RHNO1: variants seen among roughly 807,000 people sequenced by gnomAD.
RHNO1 encodes the protein RAD9, HUS1, RAD1-interacting nuclear orphan protein 1.
Under a neutral mutation model 7.2 loss-of-function variants are expected in RHNO1, and 9 were observed. The observed-to-expected ratio is 1.25, with a 90% confidence interval of 0.75 to 2.18. The LOEUF (loss-of-function observed/expected upper bound fraction) is 2.18. RHNO1 is among the 30% of genes most tolerant of loss of function. The probability of loss-of-function intolerance (pLI) is 0.00; values close to 1 mark genes in which losing one functional copy is unlikely to be tolerated. For synonymous variants in RHNO1, 95 were observed against 107.5 expected (o/e 0.88, Z 0.72); for missense variants, 292 against 284.5 (o/e 1.03, Z -0.19).
chr12:2,886,904 C>T (rs2098166225), intron 2 of RHNO1: 3 of 451,262 alleles, frequency 6.6e-6, no homozygotes, highest in Non-Finnish European at 1.3e-5. Context: ...CATTATATGC[C>T]AGGTCCTCTG....
intron 1 of RHNO1, among the ~76,000 whole-genome samples, chr12:2,880,532 G>A (rs1341550355): frequency 6.6e-6 from 1 of 151,494 alleles, no homozygotes; most frequent in African/African-American, 2.4e-5. Flanking sequence ...CAGGAGAATC[G>A]CTTGGACCTA....
chr12:2,887,915 C>A lies in RHNO1; in HGVS notation c.173C>A (p.Ser58Ter). ...IDHSTITSWVSPDFDTAAGSL... is the reference protein window; with the variant it reads ...IDHSTITSWV Reference sequence around the variant, plus strand: ...CACTTTTTTTTTTTTTTTAAGGTATCACCTGATTTTGATACAGCAGCAGGA... The same window carrying A: ...CACTTTTTTTTTTTTTTTAAGGTATAACCTGATTTTGATACAGCAGCAGGA... The change falls in exon 3 of 3, where the codon TCA becomes TAA. Residue 58 changes from serine (S) to a stop codon, truncating the protein, a stop_gained. Coordinates refer to ENST00000489288, the MANE Select transcript of RHNO1 (RefSeq NM_001252499.3). LOFTEE classifies it low-confidence loss of function (END_TRUNC). 1 of 1,547,758 alleles carries A rather than the reference C, an allele frequency of 6.5e-7. No individual in the cohort carries two copies. The highest frequency in any genetic ancestry group is 2.3e-5 in the East Asian group (1 of 44,306).
chr12:2,881,427 G>A (rs1358784308), intron 1 of RHNO1, among the ~76,000 whole-genome samples: 3 of 151,920 alleles, frequency 2.0e-5, no homozygotes, highest in South Asian at 2.1e-4. Flanking sequence ...ATTCCTTTCC[G>A]ACTAGAATGT....
chr12:2,877,220 G>A (rs554712888), upstream of RHNO1: 1 of 152,256 alleles, frequency 6.6e-6, no homozygotes, highest in African/African-American at 2.4e-5. Flanking sequence ...GCCTTGTCTC[G>A]GCATTCCGGG....
intron 1 of RHNO1, among the ~76,000 whole-genome samples, chr12:2,879,307 T>C (rs376475299): frequency 1.3e-5 from 2 of 150,634 alleles, no homozygotes; most frequent in South Asian, 4.2e-4. Flanking sequence ...CGCGGCCAAG[T>C]TCAGTTTTAA....
chr12:2,876,798 A>G (rs10848719), upstream of RHNO1: 53,283 of 152,246 alleles, frequency 0.35, 10,997 homozygotes, highest in African/African-American at 0.57. Context: ...TTCCCGTGTG[A>G]CCCAAATCTC....
chr12:2,877,397 C>G (rs1329043147), intron 1 of RHNO1, 115 bp downstream of exon 1: 1 of 152,170 alleles, frequency 6.6e-6, no homozygotes, highest in Non-Finnish European at 1.5e-5. Flanking sequence ...TGGGGACGCG[C>G]GGAAGCGGCG....
intron 1 of RHNO1, among the ~76,000 whole-genome samples, chr12:2,879,245 C>T (rs1452582942): frequency 6.6e-6 from 1 of 151,926 alleles, no homozygotes; most frequent in Non-Finnish European, 1.5e-5. Context: ...TTCAAGTGAT[C>T]CTCCCACCTT....
At chr12:2,883,066 CAAAAAAA>C (rs776370244) in intron 1 of RHNO1, among the ~76,000 whole-genome samples, 2 of 36,514 alleles carry the variant, frequency 5.5e-5, no homozygotes, top group African/African-American at 2.2e-4. Flanking sequence ...GGCCCTGTCT[CAAAAAAA>C]AAAAAAAAAA....
Position 2,889,183 on chromosome 12 carries a change from C to CAAG in RHNO1, c.*724_*725insAAG. ...GTGACTCTATGGTTGACTGCCACCT[C>CAAG]TGCAACCTTGACTCATCTGCTGAAA... On this transcript the variant is annotated 3_prime_UTR_variant, in exon 3 of 3. Transcript: ENST00000489288. The CAAG allele has an allele frequency of 6.6e-6, 1 of 152,200 alleles. No individual in the cohort carries two copies. Among genetic ancestry groups the CAAG allele is most frequent in the African/African-American group, 2.4e-5 (1 of 41,436 alleles). The allele number at this position is 152,200 out of a possible 1,614,324, so 9.4% of individuals were successfully genotyped here.
intron 1 of RHNO1, among the ~76,000 whole-genome samples, chr12:2,877,602 T>A (rs1478797631): frequency 6.6e-6 from 1 of 151,886 alleles, no homozygotes; most frequent in Non-Finnish European, 1.5e-5. Context: ...CTAAGTTCCT[T>A]TGAGGGCTGC....
chr12:2,883,502 TA>T (rs1565488252), intron 1 of RHNO1, among the ~76,000 whole-genome samples: 2 of 25,966 alleles, frequency 7.7e-5, no homozygotes, highest in African/African-American at 2.7e-4. Context: ...TATATATATA[TA>T]TATATATATT....
chr12:2,883,387 A>G (rs1319875717), intron 1 of RHNO1, among the ~76,000 whole-genome samples: 1 of 148,694 alleles, frequency 6.7e-6, no homozygotes, highest in Non-Finnish European at 1.5e-5. Flanking sequence ...AAAAAAGAAA[A>G]AAAAGAAAAT....
At chr12:2,881,657 A>T (rs2098157826) in intron 1 of RHNO1, among the ~76,000 whole-genome samples, 1 of 152,074 alleles carries the variant, frequency 6.6e-6, no homozygotes, top group Admixed American at 6.5e-5. Flanking sequence ...CTGTAATCCC[A>T]GCACTTTGGG....
chr12:2,884,213 A>G (rs1201834674), intron 1 of RHNO1, among the ~76,000 whole-genome samples: 1 of 150,722 alleles, frequency 6.6e-6, no homozygotes, highest in Non-Finnish European at 1.5e-5. Context: ...GGCATGCACC[A>G]CCACACCCGG....
At chr12:2,883,620 C>T (rs1296334597) in intron 1 of RHNO1, among the ~76,000 whole-genome samples, 3 of 148,008 alleles carry the variant, frequency 2.0e-5, no homozygotes, top group East Asian at 2.0e-4. Context: ...CGGGTTCAAG[C>T]GATTCTCCTG....
At chr12:2,877,417 C>T (rs950260768) in intron 1 of RHNO1, 135 bp downstream of exon 1, 5 of 152,176 alleles carry the variant, frequency 3.3e-5, no homozygotes, top group African/African-American at 4.8e-5. Flanking sequence ...GTGACAGGCC[C>T]GGGTCCCTGG....
intron 1 of RHNO1, among the ~76,000 whole-genome samples, chr12:2,881,369 C>T (rs1478393700): frequency 6.6e-6 from 1 of 151,984 alleles, no homozygotes; most frequent in Non-Finnish European, 1.5e-5. Flanking sequence ...CCCTAAACTG[C>T]TGGTATTAAG....
intron 2 of RHNO1, 128 bp downstream of exon 2, chr12:2,885,662 C>T: frequency 1.2e-6 from 1 of 812,492 alleles, no homozygotes; most frequent in Non-Finnish European, 1.8e-6. Context: ...GCAAGCTCCG[C>T]CTCCTGGGTT....
Sources: gnomAD v4.1 joint callset for allele counts (sites outside exome capture counted in the v4.1 genomes callset) on GRCh38, gnomAD v4.1.1 for gene constraint, MANE v1.5 for transcripts, NCBI Gene and HGNC (gene_info 2026-07-23, HGNC 2026-07-21) for gene names.